CCSER1: variants seen among roughly 807,000 people sequenced by gnomAD.
The protein encoded by CCSER1 is serine-rich coiled-coil domain-containing protein 1.
A neutral mutation model predicts 82.0 loss-of-function variants in CCSER1; 41 were observed. That is an observed-to-expected ratio of 0.50 (90% CI 0.39 to 0.65). The LOEUF is 0.65. Among genes scored for constraint, CCSER1 ranks in the 30% least tolerant of loss-of-function variants. The pLI, the probability that CCSER1 is intolerant of heterozygous loss-of-function variation, is 0.00. For missense variants in CCSER1, 1,119 were observed against 1,064.2 expected, an observed-to-expected ratio of 1.05 and a Z score of -0.72; for synonymous variants, 414 against 383.9, an observed-to-expected ratio of 1.08 and a Z score of -0.92.
At chr4:90,752,214 A>G (rs951429277) in intron 7 of CCSER1, among the ~76,000 whole-genome samples, 1 of 152,122 alleles carries the variant, frequency 6.6e-6, no homozygotes, top group Admixed American at 6.6e-5. Flanking sequence ...AAATACTTTA[A>G]TACCTCTGAT....
intron 10 of CCSER1, among the ~76,000 whole-genome samples, chr4:91,469,013 AGTTT>A (rs1473820017): frequency 2.0e-5 from 3 of 152,160 alleles, no homozygotes; most frequent in African/African-American, 7.2e-5. Context: ...TGCTCAAAAT[AGTTT>A]GTTAGTTTAT....
intron 10 of CCSER1, among the ~76,000 whole-genome samples, chr4:91,183,633 G>A (rs1472406209): frequency 6.6e-6 from 1 of 151,920 alleles, no homozygotes; most frequent in Non-Finnish European, 1.5e-5. Context: ...TAAATAAGGA[G>A]TTAGAGTCCG....
At chr4:90,153,638 G>A (rs1223291840) in intron 1 of CCSER1, among the ~76,000 whole-genome samples, 4 of 152,132 alleles carry the variant, frequency 2.6e-5, no homozygotes, top group East Asian at 3.9e-4. Flanking sequence ...GATGGCCAGT[G>A]ATGGTGAGCA....
At chr4:90,250,672 C>A (rs1037984184) in intron 1 of CCSER1, among the ~76,000 whole-genome samples, 15 of 151,910 alleles carry the variant, frequency 9.9e-5, no homozygotes, top group African/African-American at 3.6e-4. Context: ...TTCCCTTTTT[C>A]AAAATTGTTT....
At position 90,942,736 on chromosome 4, in the gene CCSER1, A is replaced by G. The variant is rs183988217; in HGVS notation, c.2172+19289A>G. On this transcript the variant is annotated intron_variant, in intron 9 of 10. Transcript: ENST00000509176. ...GCATAAGTATTCTTTGGGAAGAAATAAAAATGGCAGGTGAATGCTAATTTT... is the reference window on the plus strand; with the variant it reads ...GCATAAGTATTCTTTGGGAAGAAATGAAAATGGCAGGTGAATGCTAATTTT... 5.7e-3 allele frequency among the ~76,000 whole-genome samples: 866 copies of G among 151,960 alleles called. 9 individuals carry two copies. The highest frequency in any genetic ancestry group is 0.02 in the African/African-American group (838 of 41,512).
intron 10 of CCSER1, among the ~76,000 whole-genome samples, chr4:91,399,379 T>C (rs1479394307): frequency 6.6e-6 from 1 of 151,948 alleles, no homozygotes; most frequent in Non-Finnish European, 1.5e-5. Flanking sequence ...CAAGGTGTCC[T>C]AATGGAGGGA....
At chr4:90,447,343 A>G (rs1165783948) in intron 4 of CCSER1, among the ~76,000 whole-genome samples, 1 of 147,780 alleles carries the variant, frequency 6.8e-6, no homozygotes, top group East Asian at 1.9e-4. Flanking sequence ...TCCTGGGGAA[A>G]AAAAAAAAAG....
chr4:90,433,371 A>C (rs1758567801), intron 4 of CCSER1, among the ~76,000 whole-genome samples: 1 of 152,128 alleles, frequency 6.6e-6, no homozygotes, highest in African/African-American at 2.4e-5. Flanking sequence ...CTCATTATTG[A>C]CTAATCTACC....
chr4:91,025,288 C>T (rs1740390039), intron 9 of CCSER1, among the ~76,000 whole-genome samples: 1 of 152,148 alleles, frequency 6.6e-6, no homozygotes, highest in Admixed American at 6.5e-5. Flanking sequence ...TGTCTCTAAT[C>T]AATTCACATA....
intron 10 of CCSER1, among the ~76,000 whole-genome samples, chr4:91,210,512 C>A (rs1382252318): frequency 2.0e-5 from 3 of 150,624 alleles, no homozygotes; most frequent in African/African-American, 7.3e-5. Context: ...ATCAAAATTA[C>A]CTGACTGGAT....
chr4:90,410,966 A>G (rs1754679018), intron 4 of CCSER1, among the ~76,000 whole-genome samples: 1 of 152,246 alleles, frequency 6.6e-6, no homozygotes, highest in South Asian at 2.1e-4. Flanking sequence ...CCACAGAAAT[A>G]CAAACCAGCA....
chr4:90,177,463 G>C (rs762225558), intron 1 of CCSER1, among the ~76,000 whole-genome samples: 1 of 152,132 alleles, frequency 6.6e-6, no homozygotes, highest in Non-Finnish European at 1.5e-5. Context: ...GGTTGCCCCT[G>C]TTTGAGGAGT....
At chr4:90,883,137 G>A (rs1017476601) in intron 8 of CCSER1, among the ~76,000 whole-genome samples, 1 of 151,872 alleles carries the variant, frequency 6.6e-6, no homozygotes, top group Non-Finnish European at 1.5e-5. Flanking sequence ...TGAACTCATA[G>A]TCATAGCACC....
chr4:91,404,030 C>G (rs1480882199), intron 10 of CCSER1, among the ~76,000 whole-genome samples: 1 of 152,000 alleles, frequency 6.6e-6, no homozygotes, highest in Non-Finnish European at 1.5e-5. Context: ...TGGTCCTGGA[C>G]TTTTTTTGGT....
chr4:90,209,069 A>G (rs1739460354), intron 1 of CCSER1, among the ~76,000 whole-genome samples: 1 of 152,050 alleles, frequency 6.6e-6, no homozygotes, highest in East Asian at 1.9e-4. Context: ...CAGGTCTCCT[A>G]TTTTTACCCT....
intron 10 of CCSER1, among the ~76,000 whole-genome samples, chr4:91,297,890 T>A (rs541548768): frequency 6.6e-6 from 1 of 152,000 alleles, no homozygotes; most frequent in Non-Finnish European, 1.5e-5. Flanking sequence ...CACAATGATG[T>A]TAAATCTAGA....
At chr4:91,415,725 A>C (rs1753321294) in intron 10 of CCSER1, among the ~76,000 whole-genome samples, 1 of 152,170 alleles carries the variant, frequency 6.6e-6, no homozygotes, top group South Asian at 2.1e-4. Flanking sequence ...TGCTTTGCAT[A>C]TGTTGAACCA....
intron 9 of CCSER1, among the ~76,000 whole-genome samples, chr4:90,982,780 A>G (rs1281212595): frequency 6.6e-6 from 1 of 151,830 alleles, no homozygotes; most frequent in Non-Finnish European, 1.5e-5. Context: ...CTTTGAACCT[A>G]GGTGGCTGAA....
intron 1 of CCSER1, among the ~76,000 whole-genome samples, chr4:90,304,314 C>T (rs151063307): frequency 0.032 from 4,913 of 152,282 alleles, 257 homozygotes; most frequent in African/African-American, 0.1. Context: ...ACCCAAAGGA[C>T]TGTAAATCAT....
Sources: allele counts gnomAD v4.1 joint callset (sites outside exome capture counted in the v4.1 genomes callset), GRCh38; gene constraint gnomAD v4.1.1; transcripts MANE v1.5; gene names NCBI Gene and HGNC (gene_info 2026-07-23, HGNC 2026-07-21).